Variants in TAAR1 observed in about 807,000 individuals in gnomAD.
TAAR1 encodes the protein trace amine-associated receptor 1.
A neutral mutation model predicts 1.2 loss-of-function variants in TAAR1; 1 was observed. The observed-to-expected ratio is 0.81, with a 90% CI of 0.29 to 3.86. The LOEUF (loss-of-function observed/expected upper bound fraction) is 3.86. TAAR1 is among the 30% of genes most tolerant of loss of function. TAAR1 has a pLI of 0.18. For missense variants in TAAR1, 445 were observed against 405.6 expected, an observed-to-expected ratio of 1.10 and a Z score of -0.83; for synonymous variants, 153 against 132.2, an observed-to-expected ratio of 1.16 and a Z score of -1.08.
In TAAR1 at chr6:132,646,016, T is replaced by A. The variant is rs1777668796; in HGVS notation, c.-13A>T. 1 of 1,564,712 alleles carries A rather than the reference T, an allele frequency of 6.4e-7. No homozygotes were observed. Among genetic ancestry groups the A allele is most frequent in the Non-Finnish European group, 8.7e-7 (1 of 1,153,764 alleles). On this transcript the variant is annotated 5_prime_UTR_variant, in exon 2 of 2. Transcript: ENST00000275216. ...AAAAGGGCATCATTCCTGAGGGCTG[T>A]CAATCAGTTTACTTTTCCCTTTGTG...
chr6:132,654,628 T>C (rs1223412377), intron 1 of TAAR1, among the ~76,000 whole-genome samples: 1 of 152,198 alleles, frequency 6.6e-6, no homozygotes, highest in Non-Finnish European at 1.5e-5. Context: ...CTTTACGATA[T>C]ATTCAAGGGC....
In TAAR1 at chr6:132,645,893, T is replaced by A; in HGVS notation, c.111A>T (p.Thr37=). The part of the protein sequence containing the change: ...YSLMVLIILT[T]LVGNLIVIVS... ...CAATAACTATCAGATTGCCAACGAG[T>A]GTGGTCAGAATTATGAGCACCATTA... The change falls in exon 2 of 2, where the codon ACA becomes ACT. Residue 37 remains threonine, a synonymous_variant. Transcript: ENST00000275216. 2 of 1,613,708 alleles carry A rather than the reference T, an allele frequency of 1.2e-6. No homozygotes were observed. Among genetic ancestry groups the A allele is most frequent in the South Asian group, 1.1e-5 (1 of 91,068 alleles).
intron 1 of TAAR1, among the ~76,000 whole-genome samples, chr6:132,653,857 C>T (rs903872197): frequency 6.6e-6 from 1 of 152,100 alleles, no homozygotes; most frequent in Non-Finnish European, 1.5e-5. Context: ...TTGGTTCTTG[C>T]CCAATCGGTG....
rs745668139 is a variant in TAAR1 at position 132,644,952 on chromosome 6, A to T, written c.*32T>A. The T allele has an allele frequency of 8.1e-6, 12 of 1,477,844 alleles. No homozygotes were observed. In the Admixed American group the frequency reaches 2.6e-4, roughly 32 times the overall value. The allele number at this position is 1,477,844 out of a possible 1,614,324, so 91.5% of individuals were successfully genotyped here. ...GTTGTGTTCATAAATATGATCATCA[A>T]CCGATTTGCAAAACAGTAAAATATA... On this transcript the variant is annotated 3_prime_UTR_variant, in exon 2 of 2. Coordinates refer to ENST00000275216, the MANE Select transcript of TAAR1 (RefSeq NM_138327.4).
In TAAR1 at chr6:132,643,387, C is replaced by T. The variant is rs1281072309; in HGVS notation, c.*1597G>A. Among the ~76,000 whole-genome samples the T allele has an allele frequency of 6.6e-6, 1 of 151,842 alleles. No homozygotes were observed. Among genetic ancestry groups the T allele is most frequent in the Non-Finnish European group, 1.5e-5 (1 of 67,892 alleles). On this transcript the variant is annotated 3_prime_UTR_variant, in exon 2 of 2. Transcript: ENST00000275216. ...CAGGTGAAAAAAGTCAAACTGGTCTCACAGGTGAAAAAAACTCTTTTGAAA... is the reference window on the plus strand; with the variant it reads ...CAGGTGAAAAAAGTCAAACTGGTCTTACAGGTGAAAAAAACTCTTTTGAAA...
chr6:132,657,957 A>T (rs373505531), intron 1 of TAAR1, among the ~76,000 whole-genome samples: 1 of 151,998 alleles, frequency 6.6e-6, no homozygotes, highest in East Asian at 1.9e-4. Flanking sequence ...ATAATTATCA[A>T]TAAATTTGTA....
intron 1 of TAAR1, among the ~76,000 whole-genome samples, chr6:132,647,624 GA>G (rs1562202995): frequency 3.7e-5 from 1 of 26,970 alleles, no homozygotes; most frequent in Non-Finnish European, 7.5e-5. Flanking sequence ...AAAGAAAAAG[GA>G]AAGAAAGAAA....
At chr6:132,650,194 C>T (rs1777735172) in intron 1 of TAAR1, among the ~76,000 whole-genome samples, 1 of 152,150 alleles carries the variant, frequency 6.6e-6, no homozygotes, top group Non-Finnish European at 1.5e-5. Context: ...TTCACTAGTG[C>T]TTCCTTTCCA....
Position 132,646,067 on chromosome 6 carries a change from C to T in TAAR1, c.-64G>A. 6.7e-7 allele frequency: 1 copy of T among 1,493,710 alleles called. No homozygotes were observed. The highest frequency in any genetic ancestry group is 2.3e-5 in the East Asian group (1 of 43,810). 92.5% of individuals were successfully genotyped at this position (1,493,710 alleles called of 1,614,324 possible). ...TGTTGATTTATCTTTTTCCCAAATC[C>T]ATAATCAGGTTACAGTTCCTTCTCA... On this transcript the variant is annotated 5_prime_UTR_variant, in exon 2 of 2. An upstream start codon of the reference 5' UTR is lost. Transcript: ENST00000275216.
chr6:132,650,122 A>G (rs1777734505), intron 1 of TAAR1, among the ~76,000 whole-genome samples: 1 of 152,144 alleles, frequency 6.6e-6, no homozygotes, highest in Non-Finnish European at 1.5e-5. Flanking sequence ...AGTCATCCAA[A>G]TGATTGGTTT....
At position 132,645,922 on chromosome 6, in the gene TAAR1, T is replaced by C; in HGVS notation, c.82A>G (p.Ser28Gly). Residue 28 changes from serine to glycine, a missense_variant, in exon 2 of 2, where the codon AGT becomes GGT. Transcript: ENST00000275216. ...WSNDVRASLY[S>G]LMVLIILTTL... Reference sequence around the variant, plus strand: ...GTCAGAATTATGAGCACCATTAAACTGTACAGGGAAGCACGGACATCATTT... The same window carrying C: ...GTCAGAATTATGAGCACCATTAAACCGTACAGGGAAGCACGGACATCATTT... The C allele has an allele frequency of 6.2e-7, 1 of 1,613,676 alleles. No homozygotes were observed. The highest frequency in any genetic ancestry group is 8.5e-7 in the Non-Finnish European group (1 of 1,179,726).
intron 1 of TAAR1, among the ~76,000 whole-genome samples, chr6:132,651,544 C>T (rs1038410124): frequency 2.0e-5 from 3 of 152,186 alleles, no homozygotes; most frequent in African/African-American, 7.2e-5. Flanking sequence ...TCGCACTCAA[C>T]AACATATCCA....
At position 132,645,715 on chromosome 6, in the gene TAAR1, T is replaced by G; in HGVS notation, c.289A>C (p.Lys97Gln). ...ATAATGTCGGTGCTTGTGTGAATTT[T>G]ACAGAAGACTTCTCCAAAATACCAA... ...HCWYFGEVFC[K>Q]IHTSTDIMLS... is the part of the protein sequence containing the mutation. The change falls in exon 2 of 2, where the codon AAA becomes CAA. Residue 97 changes from lysine (K) to glutamine (Q), a missense_variant. Lys to Gln is a moderately conservative substitution (Grantham distance 53, BLOSUM62 1). Transcript: ENST00000275216. The G allele has an allele frequency of 6.2e-7, 1 of 1,613,708 alleles. No individual in the cohort carries two copies. Among genetic ancestry groups the G allele is most frequent in the Non-Finnish European group, 8.5e-7 (1 of 1,179,810 alleles).
chr6:132,654,405 A>C (rs1409303949), intron 1 of TAAR1, among the ~76,000 whole-genome samples: 1 of 152,214 alleles, frequency 6.6e-6, no homozygotes, highest in Non-Finnish European at 1.5e-5. Flanking sequence ...ACTTGTATCT[A>C]TAGCTAACAG....
chr6:132,658,338 C>T (rs1777832320), intron 1 of TAAR1, among the ~76,000 whole-genome samples: 2 of 152,088 alleles, frequency 1.3e-5, no homozygotes, highest in South Asian at 4.1e-4. Context: ...CATTTGTTTG[C>T]TCCTACATCA....
intron 1 of TAAR1, among the ~76,000 whole-genome samples, chr6:132,652,657 T>C (rs996128842): frequency 6.8e-6 from 1 of 146,838 alleles, no homozygotes; most frequent in African/African-American, 2.5e-5. Flanking sequence ...ACATACGAGA[T>C]AAAAGAAAAG....
At chr6:132,648,470 C>G (rs1777712439) in intron 1 of TAAR1, among the ~76,000 whole-genome samples, 1 of 152,130 alleles carries the variant, frequency 6.6e-6, no homozygotes, top group African/African-American at 2.4e-5. Flanking sequence ...AATTCATAGG[C>G]CTTGTTTTTT....
At chr6:132,654,253 A>T (rs1173696726) in intron 1 of TAAR1, among the ~76,000 whole-genome samples, 1 of 152,258 alleles carries the variant, frequency 6.6e-6, no homozygotes, top group Non-Finnish European at 1.5e-5. Flanking sequence ...TTTCAAATCT[A>T]GCAAGGTTCT....
At chr6:132,658,937 G>T (rs1777839615) in intron 1 of TAAR1, among the ~76,000 whole-genome samples, 193 bp downstream of exon 1, 1 of 152,128 alleles carries the variant, frequency 6.6e-6, no homozygotes, top group Non-Finnish European at 1.5e-5. Context: ...TGCTAAAGGG[G>T]CTACTAAGCA....
Sources: allele counts gnomAD v4.1 joint callset (sites outside exome capture counted in the v4.1 genomes callset), GRCh38; gene constraint gnomAD v4.1.1; transcripts MANE v1.5; gene names NCBI Gene and HGNC (gene_info 2026-07-23, HGNC 2026-07-21).